The following PDE10A variants were observed in gnomAD, a reference collection of about 807,000 sequenced individuals.
The protein encoded by PDE10A is phosphodiesterase 10A, also known as cAMP and cAMP-inhibited cGMP 3',5'-cyclic phosphodiesterase 10A.
A neutral mutation model predicts 97.7 loss-of-function variants in PDE10A; 39 were observed. The ratio of observed to expected loss-of-function variants is 0.40; its 90% CI spans 0.31 to 0.52. The LOEUF is 0.52. Among genes scored for constraint, PDE10A ranks in the 20% least tolerant of loss-of-function variants. The pLI is 0.56. For missense variants in PDE10A, 731 were observed against 1,047.8 expected (o/e 0.70, Z 4.17); for synonymous variants, 371 against 376.8 (o/e 0.98, Z 0.18).
intron 3 of PDE10A, among the ~76,000 whole-genome samples, chr6:165,470,115 CT>C (rs1473155558): frequency 6.6e-6 from 1 of 152,154 alleles, no homozygotes; most frequent in Non-Finnish European, 1.5e-5. Context: ...GCTCACGGAT[CT>C]GCTGGTGAGG....
In PDE10A at chr6:165,749,316, A is replaced by T. The variant is rs553263114; in HGVS notation, c.-614-205748T>A. 5.5e-5 allele frequency among the ~76,000 whole-genome samples: 4 copies of T among 72,074 alleles called. No homozygotes were observed. In the East Asian group the frequency reaches 1.6e-3, roughly 29 times the overall value. The allele number at this position is 72,074 out of a possible 152,430, so 47.3% of individuals were successfully genotyped here. ...CATCACCATCATCACCATCACCATCATCACCATCACCAATACCACCATCAC... is the reference window on the plus strand; with the variant it reads ...CATCACCATCATCACCATCACCATCTTCACCATCACCAATACCACCATCAC... On this transcript the variant is annotated intron_variant, in intron 1 of 19. Coordinates refer to the PDE10A transcript ENST00000366882.
intron 1 of PDE10A, among the ~76,000 whole-genome samples, chr6:165,794,716 A>G (rs948599861): frequency 6.6e-6 from 1 of 151,666 alleles, no homozygotes; most frequent in African/African-American, 2.4e-5. Flanking sequence ...ACACAAAAAA[A>G]CCACTAGTTT....
chr6:165,370,061 C>T (rs968491879), intron 18 of PDE10A, among the ~76,000 whole-genome samples: 2 of 152,070 alleles, frequency 1.3e-5, no homozygotes, highest in Non-Finnish European at 2.9e-5. Flanking sequence ...GCCTGCCTTA[C>T]AAGAGCTCCT....
intron 1 of PDE10A, among the ~76,000 whole-genome samples, chr6:165,632,509 T>C (rs772613350): frequency 1.3e-5 from 2 of 152,184 alleles, no homozygotes; most frequent in Non-Finnish European, 2.9e-5. Flanking sequence ...AAATGCACTG[T>C]TTTGAGCATG....
intron 1 of PDE10A, among the ~76,000 whole-genome samples, chr6:165,701,608 C>T (rs1172271674): frequency 6.6e-6 from 1 of 151,802 alleles, no homozygotes; most frequent in Non-Finnish European, 1.5e-5. Flanking sequence ...AACCAGATAG[C>T]TTGGTGTCAT....
chr6:165,402,494 G>A (rs1786745846), intron 13 of PDE10A, among the ~76,000 whole-genome samples: 1 of 152,032 alleles, frequency 6.6e-6, no homozygotes, highest in Non-Finnish European at 1.5e-5. Context: ...TACTGATGAA[G>A]GTAGAAAACT....
intron 20 of PDE10A, 21 bp from the exon 21 acceptor site, chr6:165,336,232 C>G (rs370798686): frequency 1.3e-6 from 2 of 1,580,804 alleles, no homozygotes; most frequent in Non-Finnish European, 8.7e-7. Flanking sequence ...GCAAAAACCA[C>G]GGACAAGAAA....
At chr6:165,479,517 T>G (rs535506396) in intron 3 of PDE10A, among the ~76,000 whole-genome samples, 1 of 152,308 alleles carries the variant, frequency 6.6e-6, no homozygotes, top group African/African-American at 2.4e-5. Context: ...ACTGCATATG[T>G]GCAATAAGCC....
intron 2 of PDE10A, among the ~76,000 whole-genome samples, chr6:165,543,227 C>A (rs979098139): frequency 6.6e-6 from 1 of 152,044 alleles, no homozygotes; most frequent in Non-Finnish European, 1.5e-5. Flanking sequence ...TCAAGATTTG[C>A]CAAATTTTTA....
At chr6:165,937,859 A>G (rs1313583455) in intron 1 of PDE10A, among the ~76,000 whole-genome samples, 1 of 152,194 alleles carries the variant, frequency 6.6e-6, no homozygotes, top group African/African-American at 2.4e-5. Flanking sequence ...ATGCTAACCA[A>G]ACTAGTCTTG....
intron 2 of PDE10A, among the ~76,000 whole-genome samples, chr6:165,520,975 T>C (rs749643068): frequency 2.0e-5 from 3 of 149,656 alleles, no homozygotes; most frequent in South Asian, 2.1e-4. Context: ...ACAGATACTA[T>C]GGTTTTTTTT....
intron 10 of PDE10A, among the ~76,000 whole-genome samples, chr6:165,423,626 G>C (rs1216404412): frequency 6.6e-6 from 1 of 152,160 alleles, no homozygotes; most frequent in Non-Finnish European, 1.5e-5. Flanking sequence ...CCAACACTTT[G>C]GGAGGCTGAG....
chr6:165,946,351 C>G (rs1252414760), intron 1 of PDE10A, among the ~76,000 whole-genome samples: 1 of 151,968 alleles, frequency 6.6e-6, no homozygotes, highest in Non-Finnish European at 1.5e-5. Context: ...AAACATTAGC[C>G]GGGTGTGCTG....
At chr6:165,812,087 C>T (rs1779299200) in intron 1 of PDE10A, among the ~76,000 whole-genome samples, 1 of 152,102 alleles carries the variant, frequency 6.6e-6, no homozygotes, top group Non-Finnish European at 1.5e-5. Flanking sequence ...CTCCTGACCT[C>T]ATGATCTGCC....
intron 1 of PDE10A, among the ~76,000 whole-genome samples, chr6:165,613,763 T>C (rs907817625): frequency 2.0e-5 from 3 of 152,198 alleles, no homozygotes; most frequent in African/African-American, 7.2e-5. Flanking sequence ...GATAGAGTAA[T>C]ACTTTAATTA....
chr6:165,929,259 G>A (rs531417557), intron 1 of PDE10A, among the ~76,000 whole-genome samples: 1 of 152,326 alleles, frequency 6.6e-6, no homozygotes, highest in African/African-American at 2.4e-5. Flanking sequence ...GAGTCCTCGA[G>A]TGCAGGTCAG....
intron 1 of PDE10A, among the ~76,000 whole-genome samples, chr6:165,637,474 C>T (rs3008042): frequency 0.86 from 130,520 of 152,134 alleles, 56,055 homozygotes; most frequent in East Asian, 0.89. Context: ...ACGGGTAACA[C>T]ACACAAGACT....
intron 2 of PDE10A, among the ~76,000 whole-genome samples, chr6:165,508,912 T>C (rs1473169081): frequency 2.0e-5 from 3 of 152,020 alleles, no homozygotes; most frequent in African/African-American, 7.2e-5. Context: ...AGAAAGTTCC[T>C]CATAACCATT....
chr6:165,518,121 G>C (rs117807372), intron 2 of PDE10A, among the ~76,000 whole-genome samples: 2,634 of 152,296 alleles, frequency 0.017, 45 homozygotes, highest in South Asian at 0.038. Flanking sequence ...CTCTGATGTT[G>C]CTAGAAAACA....
Sources: gnomAD v4.1 joint callset for allele counts (sites outside exome capture counted in the v4.1 genomes callset) on GRCh38, gnomAD v4.1.1 for gene constraint, MANE v1.5 for transcripts, NCBI Gene and HGNC (gene_info 2026-07-23, HGNC 2026-07-21) for gene names.